ZC3H12A: variants seen among roughly 807,000 people sequenced by gnomAD.
The protein encoded by ZC3H12A is endoribonuclease ZC3H12A.
Under a neutral mutation model 29.9 loss-of-function variants are expected in ZC3H12A, and 9 were observed. That is an observed-to-expected ratio of 0.30 (90% confidence interval 0.18 to 0.53). The LOEUF is 0.53. Among genes scored for constraint, ZC3H12A ranks in the 20% least tolerant of loss-of-function variants. The pLI, the probability that ZC3H12A is intolerant of heterozygous loss-of-function variation, is 0.96. For missense variants in ZC3H12A, 617 were observed against 799.0 expected (o/e 0.77, Z 2.75); for synonymous variants, 323 against 338.1 (o/e 0.96, Z 0.49).
At position 37,483,632 on chromosome 1, in the gene ZC3H12A, G is replaced by A; in HGVS notation, c.*21G>A. The A allele has an allele frequency of 6.4e-7, 1 of 1,573,528 alleles. No individual in the cohort carries two copies. Among genetic ancestry groups the A allele is most frequent in the African/African-American group, 1.3e-5 (1 of 74,192 alleles). ...AGTAAGCTGCCTGTGGCTGGCAAGGGCAGCACCCCCAGCCTCCAAGGGCCG... is the reference window on the plus strand; with the variant it reads ...AGTAAGCTGCCTGTGGCTGGCAAGGACAGCACCCCCAGCCTCCAAGGGCCG... On this transcript the variant is annotated 3_prime_UTR_variant, in exon 6 of 6. Coordinates refer to ENST00000373087, the MANE Select transcript of ZC3H12A (RefSeq NM_025079.3).
rs887360699 is a variant in ZC3H12A at position 37,475,365 on chromosome 1, A to G, written c.-38-94A>G. 3 of 949,422 alleles carry G rather than the reference A, an allele frequency of 3.2e-6. No homozygotes were observed. Among genetic ancestry groups the G allele is most frequent in the East Asian group, 2.4e-5 (1 of 41,444 alleles). The allele number at this position is 949,422 out of a possible 1,614,324, so 58.8% of individuals were successfully genotyped here. On this transcript the variant is annotated intron_variant, in intron 1 of 5. Transcript: ENST00000373087. The surrounding 1 kb of genome is among the most constrained non-coding windows in gnomAD (Gnocchi z 5.2). ...GAACTAATAACACGATGCAGTGTGT[A>G]GTGCCACCAATCCCTCATCCTGCTG...
chr1:37,482,382 A>G, intron 4 of ZC3H12A, 52 bp from the exon 5 acceptor site: 1 of 1,485,040 alleles, frequency 6.7e-7, no homozygotes, highest in South Asian at 1.2e-5. Flanking sequence ...CTCAGCAATT[A>G]GAAGTCCCTG....
chr1:37,477,835 C>T (rs1641621935), intron 2 of ZC3H12A, among the ~76,000 whole-genome samples: 1 of 152,204 alleles, frequency 6.6e-6, no homozygotes, highest in Non-Finnish European at 1.5e-5. Context: ...GGGGGGCACT[C>T]CAGGCCTCAT....
chr1:37,483,653 G>C lies in ZC3H12A; in HGVS notation c.*42G>C, dbSNP rs753906858. On this transcript the variant is annotated 3_prime_UTR_variant, in exon 6 of 6. Coordinates refer to ENST00000373087, the MANE Select transcript of ZC3H12A (RefSeq NM_025079.3). ...AAGGGCAGCACCCCCAGCCTCCAAG[G>C]GCCGTCAGGCTGGGCTTTGGGCCAT... The C allele has an allele frequency of 6.5e-7, 1 of 1,527,736 alleles. No homozygotes were observed. Among genetic ancestry groups the C allele is most frequent in the Non-Finnish European group, 8.8e-7 (1 of 1,137,814 alleles). 94.6% of individuals were successfully genotyped at this position (1,527,736 alleles called of 1,614,324 possible).
Position 37,476,774 on chromosome 1 carries a change from T to A in ZC3H12A, c.443+835T>A, listed in dbSNP as rs979794870. Reference sequence around the variant, plus strand: ...TCCAGGCTCCACCCTCTGGCCCCACTTTTTTCCCAGTTCCCTCCAAGGCAG... The same window carrying A: ...TCCAGGCTCCACCCTCTGGCCCCACATTTTTCCCAGTTCCCTCCAAGGCAG... On this transcript the variant is annotated intron_variant, in intron 2 of 5. Coordinates refer to ENST00000373087, the MANE Select transcript of ZC3H12A (RefSeq NM_025079.3). This position sits in a 1 kb window ranked among gnomAD's most constrained non-coding sequence, Gnocchi z 6.0. Among the ~76,000 whole-genome samples, 1 of 152,202 alleles carries A rather than the reference T, an allele frequency of 6.6e-6. No homozygotes were observed. The highest frequency in any genetic ancestry group is 2.1e-4 in the South Asian group (1 of 4,834).
At chr1:37,480,786 C>T (rs1462019855) in intron 3 of ZC3H12A, among the ~76,000 whole-genome samples, 1 of 152,182 alleles carries the variant, frequency 6.6e-6, no homozygotes, top group South Asian at 2.1e-4. Context: ...GCGCCCTGGC[C>T]TGGACAGGGA....
Position 37,475,991 on chromosome 1 carries a change from G to GC in ZC3H12A, c.443+54dup. The GC allele has an allele frequency of 6.9e-7, 1 of 1,443,270 alleles. No individual in the cohort carries two copies. Among genetic ancestry groups the GC allele is most frequent in the South Asian group, 1.4e-5 (1 of 69,056 alleles). The allele number at this position is 1,443,270 out of a possible 1,614,324, so 89.4% of individuals were successfully genotyped here. A position where few individuals can be genotyped will look rare whatever the true frequency, so the allele number is the denominator to read the frequency against. On this transcript the variant is annotated intron_variant, in intron 2 of 5. Transcript: ENST00000373087. The surrounding 1 kb of genome is among the most constrained non-coding windows in gnomAD (Gnocchi z 5.2). ...ACATGAGGTTCGCATCTCTCCTGTGGCCAGGACACATGGAAGGATGACTGT... is the reference window on the plus strand; with the variant it reads ...ACATGAGGTTCGCATCTCTCCTGTGGCCCAGGACACATGGAAGGATGACTGT...
chr1:37,483,691 T>TCCCAGCCCTGAGG lies in ZC3H12A; in HGVS notation c.*85_*97dup. 6.9e-7 allele frequency: 1 copy of TCCCAGCCCTGAGG among 1,459,584 alleles called. No homozygotes were observed. Among genetic ancestry groups the TCCCAGCCCTGAGG allele is most frequent in the Admixed American group, 2.7e-5 (1 of 37,356 alleles). 90.4% of individuals were successfully genotyped at this position (1,459,584 alleles called of 1,614,324 possible). Reference sequence around the variant, plus strand: ...GGCTTTGGGCCATTGAGCAGCCCATTCCCAGCCCTGAGGCCCACCCCAGAG... The same window carrying TCCCAGCCCTGAGG: ...GGCTTTGGGCCATTGAGCAGCCCATTCCCAGCCCTGAGGCCCAGCCCTGAGGCCCACCCCAGAG... On this transcript the variant is annotated 3_prime_UTR_variant, in exon 6 of 6. Coordinates refer to ENST00000373087, the MANE Select transcript of ZC3H12A (RefSeq NM_025079.3).
At position 37,475,513 on chromosome 1, in the gene ZC3H12A, G is replaced by C. The variant is rs1363208652; in HGVS notation, c.17G>C (p.Gly6Ala). 6.2e-7 allele frequency: 1 copy of C among 1,609,444 alleles called. No homozygotes were observed. Among genetic ancestry groups the C allele is most frequent in the South Asian group, 1.1e-5 (1 of 90,770 alleles). The change falls in exon 2 of 6, where the codon GGA becomes GCA. Residue 6 changes from glycine (G) to alanine (A), a missense_variant. Gly to Ala is a moderately conservative substitution (Grantham distance 60). Transcript: ENST00000373087. The surrounding 1 kb of genome is among the most constrained non-coding windows in gnomAD (Gnocchi z 5.2). MSGPC[G>A]EKPVLEASPT... ...GTCTGAGCTATGAGTGGCCCCTGTG[G>C]AGAGAAGCCTGTCCTGGAAGCCAGC... is the stretch of plus-strand genomic sequence containing the variant.
At position 37,479,873 on chromosome 1, in the gene ZC3H12A, C is replaced by T. The variant is rs534277386; in HGVS notation, c.444-417C>T. On this transcript the variant is annotated intron_variant, in intron 2 of 5. Coordinates refer to ENST00000373087, the MANE Select transcript of ZC3H12A (RefSeq NM_025079.3). The surrounding 1 kb of genome is among the most constrained non-coding windows in gnomAD (Gnocchi z 4.5). ...ATCTGTCCCTGTGGTCCCGGCAGCTCGCCGGGTGGGGCAGGAACCAGAAGT... is the reference window on the plus strand; with the variant it reads ...ATCTGTCCCTGTGGTCCCGGCAGCTTGCCGGGTGGGGCAGGAACCAGAAGT... 8.0e-6 allele frequency: 8 copies of T among 1,005,500 alleles called. No individual in the cohort carries two copies. The highest frequency in any genetic ancestry group is 1.0e-4 in the East Asian group (1 of 9,908). 62.3% of individuals were successfully genotyped at this position (1,005,500 alleles called of 1,614,324 possible).
At position 37,482,646 on chromosome 1, in the gene ZC3H12A, C is replaced by T; in HGVS notation, c.926-91C>T. 1.9e-6 allele frequency: 3 copies of T among 1,610,254 alleles called. No homozygotes were observed. The South Asian group carries it at 3.3e-5, about 18-fold the overall frequency. On this transcript the variant is annotated intron_variant, in intron 5 of 5. Transcript: ENST00000373087. ...CTTGGGGACCTCCACCATTGGACCA[C>T]CCAACCCCGTTTCCTGTGCCACCCC...
chr1:37,477,383 C>T lies in ZC3H12A; in HGVS notation c.443+1444C>T, dbSNP rs113322875. ...GGAGCCTGCTCCTGAGAAGCAGAGC[C>T]ACGCACCCACCTCGGGGGTTTCTGA... On this transcript the variant is annotated intron_variant, in intron 2 of 5. Coordinates refer to ENST00000373087, the MANE Select transcript of ZC3H12A (RefSeq NM_025079.3). Among the ~76,000 whole-genome samples, 1,155 of 152,272 alleles carry T rather than the reference C, an allele frequency of 7.6e-3. 18 individuals are homozygous for T. Among genetic ancestry groups the T allele is most frequent in the African/African-American group, 0.026 (1,076 of 41,544 alleles).
At position 37,476,090 on chromosome 1, in the gene ZC3H12A, A is replaced by T; in HGVS notation, c.443+151A>T. The T allele has an allele frequency of 1.1e-6, 1 of 872,516 alleles. No individual in the cohort carries two copies. 54.0% of individuals were successfully genotyped at this position (872,516 alleles called of 1,614,324 possible). ...GGTCTAGAGGGAGGGAAAGCCTTTT[A>T]TGAGGCTAGGGTCGCGCTACTGGTA... On this transcript the variant is annotated intron_variant, in intron 2 of 5. Coordinates refer to ENST00000373087, the MANE Select transcript of ZC3H12A (RefSeq NM_025079.3). The surrounding 1 kb of genome is among the most constrained non-coding windows in gnomAD (Gnocchi z 6.0).
chr1:37,482,222 C>A, intron 4 of ZC3H12A: 1 of 599,200 alleles, frequency 1.7e-6, no homozygotes, highest in South Asian at 2.1e-5. Context: ...CCTAAAGGTG[C>A]CCATGGGCTG....
Position 37,475,359 on chromosome 1 carries a change from G to T in ZC3H12A, c.-38-100G>T. ...CAACCTGAACTAATAACACGATGCA[G>T]TGTGTAGTGCCACCAATCCCTCATC... On this transcript the variant is annotated intron_variant, in intron 1 of 5. Coordinates refer to ENST00000373087, the MANE Select transcript of ZC3H12A (RefSeq NM_025079.3). This position sits in a 1 kb window ranked among gnomAD's most constrained non-coding sequence, Gnocchi z 5.2. The T allele has an allele frequency of 1.1e-6, 1 of 904,352 alleles. No individual in the cohort carries two copies. Among genetic ancestry groups the T allele is most frequent in the Non-Finnish European group, 1.7e-6 (1 of 591,938 alleles). The allele number at this position is 904,352 out of a possible 1,614,324, so 56.0% of individuals were successfully genotyped here.
rs747719138 is a variant in ZC3H12A, at chr1:37,483,597, C to G, written c.1786C>G (p.His596Asp). 3 of 1,607,162 alleles carry G rather than the reference C, an allele frequency of 1.9e-6. No homozygotes were observed. The African/African-American group carries it at 4.0e-5, about 21-fold the overall frequency. ...AAEILSYKSQ[H>D]PSE ...CGAGATCCTCTCCTACAAGTCCCAG[C>G]ACCCCAGTGAGTAAGCTGCCTGTGG... Residue 596 changes from histidine to aspartate, a missense_variant, in exon 6 of 6, where the codon CAC (histidine) becomes GAC (aspartate). Transcript: ENST00000373087.
chr1:37,481,534 G>T (rs780663962), intron 3 of ZC3H12A, 67 bp from the exon 4 acceptor site: 2 of 1,526,226 alleles, frequency 1.3e-6, no homozygotes, highest in Non-Finnish European at 1.8e-6. Flanking sequence ...CAGCAGGTTA[G>T]GGAGCCCTGT....
In ZC3H12A at chr1:37,478,907, C is replaced by A. The variant is rs139432827; in HGVS notation, c.444-1383C>A. The A allele has an allele frequency of 2.0e-6, 2 of 985,298 alleles. No homozygotes were observed. The highest frequency in any genetic ancestry group is 3.5e-5 in the African/African-American group (2 of 57,314). The allele number at this position is 985,298 out of a possible 1,614,324, so 61.0% of individuals were successfully genotyped here. A position where few individuals can be genotyped will look rare whatever the true frequency, so the allele number is the denominator to read the frequency against. On this transcript the variant is annotated intron_variant, in intron 2 of 5. Transcript: ENST00000373087. This position sits in a 1 kb window ranked among gnomAD's most constrained non-coding sequence, Gnocchi z 5.2. ...CGGGAAGGATGAGTGCTGCCCTGGGCTGGACTTTGTCTCCCCTACAATTTA... is the reference window on the plus strand; with the variant it reads ...CGGGAAGGATGAGTGCTGCCCTGGGATGGACTTTGTCTCCCCTACAATTTA...
At position 37,478,268 on chromosome 1, in the gene ZC3H12A, C is replaced by T. The variant is rs1641631211; in HGVS notation, c.444-2022C>T. Among the ~76,000 whole-genome samples, 1 of 152,238 alleles carries T rather than the reference C, an allele frequency of 6.6e-6. No homozygotes were observed. Among genetic ancestry groups the T allele is most frequent in the South Asian group, 2.1e-4 (1 of 4,832 alleles). On this transcript the variant is annotated intron_variant, in intron 2 of 5. Transcript: ENST00000373087. This position sits in a 1 kb window ranked among gnomAD's most constrained non-coding sequence, Gnocchi z 5.2. ...AGGCTTCTCAGAGGCAGTGACATCT[C>T]ACAAGGGTTCTGAAGGAAGAGCAGG...
Sources: gnomAD v4.1 joint callset for allele counts (sites outside exome capture counted in the v4.1 genomes callset) on GRCh38, gnomAD v4.1.1 for gene constraint, Gnocchi (gnomAD v3.1) non-coding constraint, MANE v1.5 for transcripts, NCBI Gene and HGNC (gene_info 2026-07-23, HGNC 2026-07-21) for gene names.